AGAP1: variants seen among roughly 807,000 people sequenced by gnomAD.
The protein encoded by AGAP1 is arf-GAP with GTPase, ANK repeat and PH domain-containing protein 1.
AGAP1 carries 29 observed loss-of-function variants against 105.3 expected under a neutral mutation model. That is an observed-to-expected ratio of 0.28 (90% CI 0.21 to 0.38). The LOEUF (loss-of-function observed/expected upper bound fraction) is 0.38. AGAP1 is among the 10% of genes least tolerant of loss of function. The probability of loss-of-function intolerance (pLI) is 1.00; values close to 1 mark genes in which losing one functional copy is unlikely to be tolerated. For synonymous variants in AGAP1, 509 were observed against 485.9 expected, an observed-to-expected ratio of 1.05 and a Z score of -0.63; for missense variants, 998 against 1,165.1, an observed-to-expected ratio of 0.86 and a Z score of 2.09.
intron 1 of AGAP1, among the ~76,000 whole-genome samples, chr2:235,647,108 G>C (rs532501937): frequency 7.2e-6 from 1 of 137,942 alleles, no homozygotes; most frequent in Non-Finnish European, 1.5e-5. Context: ...TGCACCACCC[G>C]AGACTCCGTC....
chr2:236,063,415 G>T (rs1180851193), intron 16 of AGAP1, among the ~76,000 whole-genome samples: 1 of 152,208 alleles, frequency 6.6e-6, no homozygotes, highest in Admixed American at 6.5e-5. Context: ...TGAATGTGGG[G>T]TGTGGGAAAG....
rs1419769248 is a variant in AGAP1 at position 235,586,150 on chromosome 2, G to T, written c.163+91301G>T. ...AGCAGTAAATGTAAGGATTTAGGTC[G>T]GCCATTGTCTCCGTGTAAGTCAACA... On this transcript the variant is annotated intron_variant, in intron 1 of 17. Transcript: ENST00000304032. This position sits in a 1 kb window ranked among gnomAD's most constrained non-coding sequence, Gnocchi z 4.2. Among the ~76,000 whole-genome samples the T allele has an allele frequency of 6.6e-6, 1 of 152,124 alleles. No homozygotes were observed. Among genetic ancestry groups the T allele is most frequent in the Non-Finnish European group, 1.5e-5 (1 of 68,024 alleles).
chr2:235,597,348 G>A (rs1310164704), intron 1 of AGAP1, among the ~76,000 whole-genome samples: 1 of 152,214 alleles, frequency 6.6e-6, no homozygotes, highest in Non-Finnish European at 1.5e-5. Context: ...GACGGGGCTT[G>A]CTTTGTCCTC....
In AGAP1 at chr2:235,728,473, C is replaced by T. The variant is rs1951770010; in HGVS notation, c.310+10829C>T. Among the ~76,000 whole-genome samples the T allele has an allele frequency of 6.6e-6, 1 of 152,126 alleles. No homozygotes were observed. Among genetic ancestry groups the T allele is most frequent in the Non-Finnish European group, 1.5e-5 (1 of 68,040 alleles). On this transcript the variant is annotated intron_variant, in intron 3 of 17. Coordinates refer to ENST00000304032, the MANE Select transcript of AGAP1 (RefSeq NM_001037131.3). This position sits in a 1 kb window ranked among gnomAD's most constrained non-coding sequence, Gnocchi z 4.3. ...AGAAATGGAAACCTGATTCAACTCA[C>T]AGTGTAGTCCTTTATCCATGCTTGT...
At chr2:235,876,249 A>G (rs143346760) in intron 9 of AGAP1, among the ~76,000 whole-genome samples, 19 of 152,324 alleles carry the variant, frequency 1.2e-4, no homozygotes, top group African/African-American at 4.3e-4. Context: ...TATTTAAAAT[A>G]ATTTATTTTT....
chr2:236,121,221 G>A lies in AGAP1; in HGVS notation c.2370+774G>A, dbSNP rs2059889007. 6.6e-6 allele frequency among the ~76,000 whole-genome samples: 1 copy of A among 152,224 alleles called. No individual in the cohort carries two copies. Among genetic ancestry groups the A allele is most frequent in the African/African-American group, 2.4e-5 (1 of 41,468 alleles). ...CTGTCTCCACCCGCAAGGCAGGATG[G>A]GTCAGTCCAGCACAGCAGCACGTTC... On this transcript the variant is annotated intron_variant, in intron 17 of 17. Transcript: ENST00000304032. This position sits in a 1 kb window ranked among gnomAD's most constrained non-coding sequence, Gnocchi z 4.9.
chr2:235,846,358 C>T (rs903124918), intron 9 of AGAP1, among the ~76,000 whole-genome samples: 7 of 152,180 alleles, frequency 4.6e-5, no homozygotes, highest in Non-Finnish European at 1.0e-4. Context: ...GAATCTCACT[C>T]TGTCACCCAG....
intron 1 of AGAP1, among the ~76,000 whole-genome samples, chr2:235,564,457 G>T (rs987534851): frequency 1.3e-5 from 2 of 152,150 alleles, no homozygotes; most frequent in East Asian, 1.9e-4. Context: ...AAATTCCATG[G>T]AGCCATCTAT....
chr2:235,942,933 A>T (rs1312136774), intron 12 of AGAP1, among the ~76,000 whole-genome samples: 4 of 152,048 alleles, frequency 2.6e-5, no homozygotes, highest in African/African-American at 7.3e-5. Flanking sequence ...CTAAAAAAAA[A>T]ATTCATTTAA....
intron 1 of AGAP1, among the ~76,000 whole-genome samples, chr2:235,545,303 C>G (rs370426683): frequency 4.6e-5 from 7 of 152,172 alleles, no homozygotes; most frequent in Non-Finnish European, 1.0e-4. Context: ...TAATTCAGCT[C>G]TACAGGTGTG....
intron 13 of AGAP1, among the ~76,000 whole-genome samples, chr2:235,997,327 G>C (rs558309186): frequency 1.3e-5 from 2 of 152,310 alleles, no homozygotes; most frequent in South Asian, 4.2e-4. Context: ...GACCTCAGGT[G>C]ATCCGCCCAC....
At chr2:235,804,076 C>T (rs1957717066) in intron 8 of AGAP1, among the ~76,000 whole-genome samples, 1 of 152,234 alleles carries the variant, frequency 6.6e-6, no homozygotes, top group African/African-American at 2.4e-5. Flanking sequence ...TACGCTGCTA[C>T]TGCAAGAAAT....
intron 13 of AGAP1, among the ~76,000 whole-genome samples, chr2:235,978,417 C>G (rs2054948014): frequency 1.3e-5 from 2 of 152,156 alleles, no homozygotes; most frequent in South Asian, 4.2e-4. Flanking sequence ...GATTTGTTGT[C>G]AGGAGACATC....
In AGAP1 at chr2:235,510,655, G is replaced by A. The variant is rs375915977; in HGVS notation, c.163+15806G>A. Among the ~76,000 whole-genome samples the A allele has an allele frequency of 3.5e-4, 53 of 152,250 alleles. 1 individual carries two copies. In the East Asian group the frequency reaches 6.6e-3, roughly 19 times the overall value. On this transcript the variant is annotated intron_variant, in intron 1 of 17. Transcript: ENST00000304032. The stretch of plus-strand genomic sequence containing the variant: ...CCAAATTGGTTGATTTTACTCTCCC[G>A]CCGGCAGTGTGAGAGTGTCCACTTT...
At position 235,601,590 on chromosome 2, in the gene AGAP1, C is replaced by T. The variant is rs1260802235; in HGVS notation, c.163+106741C>T. Among the ~76,000 whole-genome samples the T allele has an allele frequency of 6.6e-6, 1 of 152,108 alleles. No individual in the cohort carries two copies. The highest frequency in any genetic ancestry group is 2.4e-5 in the African/African-American group (1 of 41,412). The stretch of plus-strand genomic sequence containing the variant: ...ATCTTGTGAGACTTATTTTCTACCA[C>T]AGAACAGAATAGGGGAACCCACCCC... On this transcript the variant is annotated intron_variant, in intron 1 of 17. Transcript: ENST00000304032. The surrounding 1 kb of genome is among the most constrained non-coding windows in gnomAD (Gnocchi z 4.4).
chr2:235,800,506 C>G (rs1957446959), intron 8 of AGAP1, among the ~76,000 whole-genome samples: 1 of 152,152 alleles, frequency 6.6e-6, no homozygotes, highest in Non-Finnish European at 1.5e-5. Flanking sequence ...CTGTGCATAG[C>G]AGACATTACC....
Position 236,087,073 on chromosome 2 carries a change from C to T in AGAP1, c.2115-33119C>T, listed in dbSNP as rs185472352. ...GAGTAAATGAAGGAAACAAAGGCCT[C>T]GCAGCAGGAGCAGAAGGGACACACA... On this transcript the variant is annotated intron_variant, in intron 16 of 17. Coordinates refer to ENST00000304032, the MANE Select transcript of AGAP1 (RefSeq NM_001037131.3). The surrounding 1 kb of genome is among the most constrained non-coding windows in gnomAD (Gnocchi z 5.7). 3.3e-3 allele frequency among the ~76,000 whole-genome samples: 496 copies of T among 152,210 alleles called. 2 individuals carry two copies. The highest frequency in any genetic ancestry group is 4.2e-3 in the Non-Finnish European group (285 of 68,030).
intron 1 of AGAP1, among the ~76,000 whole-genome samples, chr2:235,627,016 T>A (rs1344740651): frequency 6.6e-6 from 1 of 152,168 alleles, no homozygotes; most frequent in Admixed American, 6.5e-5. Flanking sequence ...ACTGTTCACA[T>A]AACGTAAGTT....
intron 14 of AGAP1, among the ~76,000 whole-genome samples, chr2:236,039,961 T>G (rs2057496866): frequency 6.6e-6 from 1 of 151,988 alleles, no homozygotes; most frequent in East Asian, 1.9e-4. Context: ...AAGAAGACCA[T>G]AGAGCCAGGT....
Sources: allele counts gnomAD v4.1 joint callset (sites outside exome capture counted in the v4.1 genomes callset), GRCh38; gene constraint gnomAD v4.1.1; non-coding constraint Gnocchi (gnomAD v3.1); transcripts MANE v1.5; gene names NCBI Gene and HGNC (gene_info 2026-07-23, HGNC 2026-07-21).